ADAM11: variants seen among roughly 807,000 people sequenced by gnomAD.
ADAM11 encodes ADAM metallopeptidase domain 11, also known as disintegrin and metalloproteinase domain-containing protein 11.
In ADAM11, 49 loss-of-function variants were observed where a neutral mutation model predicts 119.1. The observed-to-expected ratio is 0.41, with a 90% CI of 0.33 to 0.52. The LOEUF (loss-of-function observed/expected upper bound fraction) is 0.52. Among genes scored for constraint, ADAM11 ranks in the 20% least tolerant of loss-of-function variants. The pLI is 0.20. For missense variants in ADAM11, 777 were observed against 1,047.5 expected, an observed-to-expected ratio of 0.74 and a Z score of 3.56; for synonymous variants, 364 against 408.0, an observed-to-expected ratio of 0.89 and a Z score of 1.30.
Position 44,759,041 on chromosome 17 carries a change from C to T in ADAM11, c.-159C>T. On this transcript the variant is annotated 5_prime_UTR_variant, in exon 1 of 27. Transcript: ENST00000200557. ...GCCGCGGCCGGAGCGCGCTGAGCCC[C>T]GGCGCCGTCCCTGCCGCCCCCACCT... is the stretch of plus-strand genomic sequence containing the variant. The T allele has an allele frequency of 5.1e-6, 1 of 197,516 alleles. No individual in the cohort carries two copies. The highest frequency in any genetic ancestry group is 9.6e-6 in the Non-Finnish European group (1 of 104,510). The allele number at this position is 197,516 out of a possible 1,614,324, so 12.2% of individuals were successfully genotyped here. A position where few individuals can be genotyped will look rare whatever the true frequency, so the allele number is the denominator to read the frequency against.
chr17:44,767,789 C>T (rs200444832), intron 2 of ADAM11, among the ~76,000 whole-genome samples: 2 of 152,368 alleles, frequency 1.3e-5, no homozygotes, highest in East Asian at 1.9e-4. Context: ...CAAGGAGGCT[C>T]TTAAGGTATC....
At chr17:44,768,291 G>T (rs1190955443) in intron 2 of ADAM11, among the ~76,000 whole-genome samples, 2 of 152,182 alleles carry the variant, frequency 1.3e-5, no homozygotes. Flanking sequence ...ATGCTCTAGG[G>T]GCTCAGGATG....
In ADAM11 at chr17:44,770,056, C is replaced by G; in HGVS notation, c.381+8C>G. 1 of 1,613,826 alleles carries G rather than the reference C, an allele frequency of 6.2e-7. No homozygotes were observed. Among genetic ancestry groups the G allele is most frequent in the Non-Finnish European group, 8.5e-7 (1 of 1,179,902 alleles). On this transcript the variant is annotated splice_region_variant and intron_variant, in intron 4 of 26. Transcript: ENST00000200557. Reference sequence around the variant, plus strand: ...ACAACCCAGCACAGCACCGTGAGTGCCACTGCAGGGGACCGGGGCCGGGGA... The same window carrying G: ...ACAACCCAGCACAGCACCGTGAGTGGCACTGCAGGGGACCGGGGCCGGGGA...
intron 2 of ADAM11, among the ~76,000 whole-genome samples, chr17:44,765,583 G>A (rs1328787663): frequency 6.9e-6 from 1 of 144,308 alleles, no homozygotes; most frequent in Non-Finnish European, 1.5e-5. Context: ...AATCCTCACA[G>A]CAATCCTGGT....
Position 44,777,606 on chromosome 17 carries a change from T to G in ADAM11, c.1901+5T>G. The G allele has an allele frequency of 6.2e-7, 1 of 1,614,066 alleles. No homozygotes were observed. Among genetic ancestry groups the G allele is most frequent in the Non-Finnish European group, 8.5e-7 (1 of 1,179,982 alleles). On this transcript the variant is annotated splice_donor_5th_base_variant and intron_variant, in intron 22 of 26. Transcript: ENST00000200557. This position sits in a 1 kb window ranked among gnomAD's most constrained non-coding sequence, Gnocchi z 5.1. ...GGGCAAGGAGCTGGACTGCAGGTGC[T>G]GGCCAGGACCAAGACTAGGGAGGGG... is the stretch of plus-strand genomic sequence containing the variant.
chr17:44,767,217 G>A (rs769671690), intron 2 of ADAM11, among the ~76,000 whole-genome samples: 2 of 151,806 alleles, frequency 1.3e-5, no homozygotes, highest in African/African-American at 4.8e-5. Flanking sequence ...TTAGCCGGGC[G>A]TGGTGGTAGG....
Position 44,777,902 on chromosome 17 carries a change from A to G in ADAM11, c.2070+39A>G, listed in dbSNP as rs761795521. Reference sequence around the variant, plus strand: ...GCCTGGGATGGCGGGAGAAGCTTACAAGAGGGGACAGGCCCCTGCTCACCT... The same window carrying G: ...GCCTGGGATGGCGGGAGAAGCTTACGAGAGGGGACAGGCCCCTGCTCACCT... On this transcript the variant is annotated intron_variant, in intron 23 of 26. Coordinates refer to ENST00000200557, the MANE Select transcript of ADAM11 (RefSeq NM_002390.6). The surrounding 1 kb of genome is among the most constrained non-coding windows in gnomAD (Gnocchi z 5.1). 1.2e-6 allele frequency: 2 copies of G among 1,613,722 alleles called. No individual in the cohort carries two copies. The highest frequency in any genetic ancestry group is 2.2e-5 in the South Asian group (2 of 91,080).
chr17:44,774,513 G>A lies in ADAM11; in HGVS notation c.1099G>A (p.Ala367Thr). 6.2e-7 allele frequency: 1 copy of A among 1,613,308 alleles called. No individual in the cohort carries two copies. The highest frequency in any genetic ancestry group is 8.5e-7 in the Non-Finnish European group (1 of 1,179,822). The change falls in exon 13 of 27, where the codon GCC becomes ACC. Residue 367 changes from alanine to threonine, a missense_variant. Physicochemically the swap from Ala to Thr is moderately conservative, Grantham distance 58. Around this residue, in one of 4 missense-constraint regions of ADAM11, gnomAD observed 147 missense variants for 223.3 expected, o/e 0.66. Transcript: ENST00000200557. The stretch of plus-strand genomic sequence containing the variant: ...CCAGTACGGCAACATGGGGGCGATG[G>A]CCGTGACCCTTGCCCAGACGCTGGG... Reference protein sequence around the residue: ...VNEYGNMGAMAVTLAQTLGQN... With the variant: ...VNEYGNMGAMTVTLAQTLGQN...
chr17:44,778,553 ATGG>A (rs2049639081), intron 25 of ADAM11, among the ~76,000 whole-genome samples: 1 of 151,954 alleles, frequency 6.6e-6, no homozygotes, highest in South Asian at 2.1e-4. Context: ...TTAGCCAGCC[ATGG>A]TGGTGCGCAC....
chr17:44,778,937 T>C (rs1416230964), intron 25 of ADAM11, among the ~76,000 whole-genome samples: 1 of 152,024 alleles, frequency 6.6e-6, no homozygotes, highest in African/African-American at 2.4e-5. Flanking sequence ...CGTGTCTAAG[T>C]TTGGGGTCCT....
rs762515703 is a variant in ADAM11 at position 44,775,420 on chromosome 17, C to T, written c.1347C>T (p.Asn449=). ...TCCTGGACCCCCCAGAGTGCGGGAA[C>T]GGCTTCGTGGAGGCAGGGGAGGAGT... ...LKLLDPPECG[N]GFVEAGEECD... is the part of the protein sequence containing the mutation. The change falls in exon 16 of 27, where the codon AAC becomes AAT. Residue 449 remains asparagine, a synonymous_variant. Coordinates refer to ENST00000200557, the MANE Select transcript of ADAM11 (RefSeq NM_002390.6). The surrounding 1 kb of genome is among the most constrained non-coding windows in gnomAD (Gnocchi z 7.5). 1.2e-6 allele frequency: 2 copies of T among 1,611,388 alleles called. No individual in the cohort carries two copies. Among genetic ancestry groups the T allele is most frequent in the East Asian group, 4.5e-5 (2 of 44,848 alleles).
chr17:44,779,107 C>A, intron 25 of ADAM11, 115 bp from the exon 26 acceptor site: 1 of 1,399,112 alleles, frequency 7.1e-7, no homozygotes, highest in Non-Finnish European at 9.7e-7. Context: ...GCCCCGGGGA[C>A]CCCGGCCCCG....
At chr17:44,765,686 T>G (rs1316148551) in intron 2 of ADAM11, among the ~76,000 whole-genome samples, 1 of 135,296 alleles carries the variant, frequency 7.4e-6, no homozygotes, top group Non-Finnish European at 1.5e-5. Flanking sequence ...AGTGGCACGA[T>G]CTTGGCTCAC....
chr17:44,779,132 G>T, intron 25 of ADAM11, 90 bp from the exon 26 acceptor site: 1 of 1,517,658 alleles, frequency 6.6e-7, no homozygotes, highest in Non-Finnish European at 8.8e-7. Flanking sequence ...GGGGCAAGGG[G>T]TCGCATGGCA....
chr17:44,762,084 A>G (rs2049396528), intron 2 of ADAM11, among the ~76,000 whole-genome samples: 1 of 152,132 alleles, frequency 6.6e-6, no homozygotes, highest in African/African-American at 2.4e-5. Context: ...TCGGCCTCCC[A>G]AAGTGCTGGG....
In ADAM11 at chr17:44,772,742, A is replaced by G; in HGVS notation, c.679-115A>G. ...GACCCTCTGCCAGTGGGGAGCTGGC[A>G]CTGTCCCTGGCTGGAGTCCAGACCC... On this transcript the variant is annotated intron_variant, in intron 8 of 26. Coordinates refer to ENST00000200557, the MANE Select transcript of ADAM11 (RefSeq NM_002390.6). This position sits in a 1 kb window ranked among gnomAD's most constrained non-coding sequence, Gnocchi z 4.5. The G allele has an allele frequency of 1.0e-6, 1 of 1,002,696 alleles. No homozygotes were observed. Among genetic ancestry groups the G allele is most frequent in the Admixed American group, 2.1e-5 (1 of 46,556 alleles). The allele number at this position is 1,002,696 out of a possible 1,614,324, so 62.1% of individuals were successfully genotyped here.
At chr17:44,774,218 C>G (rs2145233236) in intron 11 of ADAM11, 77 bp from the exon 12 acceptor site, 2 of 945,960 alleles carry the variant, frequency 2.1e-6, no homozygotes, top group East Asian at 5.9e-5. Context: ...GTGTGAGGGG[C>G]TCCCCAAGGC....
At position 44,777,206 on chromosome 17, in the gene ADAM11, G is replaced by A; in HGVS notation, c.1722G>A (p.Glu574=). 1.2e-6 allele frequency: 2 copies of A among 1,609,418 alleles called. No homozygotes were observed. Among genetic ancestry groups the A allele is most frequent in the Non-Finnish European group, 1.7e-6 (2 of 1,179,436 alleles). Residue 574 remains glutamate (E), a synonymous_variant, in exon 21 of 27, where the codon GAG becomes GAA. Transcript: ENST00000200557. The surrounding 1 kb of genome is among the most constrained non-coding windows in gnomAD (Gnocchi z 5.1). ...DRFCYEKLNV[E]GTERGSCGRK... ...TCTGCTACGAGAAGCTGAATGTGGA[G>A]GGGACGGAGCGTGGGAGCTGTGGGC...
intron 2 of ADAM11, among the ~76,000 whole-genome samples, chr17:44,762,274 T>C (rs553091805): frequency 1.3e-5 from 2 of 152,306 alleles, no homozygotes; most frequent in East Asian, 3.9e-4. Context: ...TCCAGGGCTC[T>C]CTGGATTTGG....
Sources: gnomAD v4.1 joint callset for allele counts (sites outside exome capture counted in the v4.1 genomes callset) on GRCh38, gnomAD v4.1.1 for gene constraint, gnomAD v4.1.1 regional missense constraint, Gnocchi (gnomAD v3.1) non-coding constraint, MANE v1.5 for transcripts, NCBI Gene and HGNC (gene_info 2026-07-23, HGNC 2026-07-21) for gene names.